The following DAAM1 variants were observed in gnomAD, a reference collection of about 807,000 sequenced individuals.
The protein encoded by DAAM1 is disheveled-associated activator of morphogenesis 1.
Under a neutral mutation model 130.0 loss-of-function variants are expected in DAAM1, and 52 were observed. The observed-to-expected ratio is 0.40, with a 90% confidence interval of 0.32 to 0.50. The LOEUF is 0.50. Ranked by LOEUF, DAAM1 falls within the 20% of genes least tolerant of loss-of-function variation. DAAM1 has a pLI of 0.61. For synonymous variants in DAAM1, 452 were observed against 444.5 expected, an observed-to-expected ratio of 1.02 and a Z score of -0.21; for missense variants, 1,134 against 1,303.8, an observed-to-expected ratio of 0.87 and a Z score of 2.01.
chr14:59,270,380 T>C (rs1185556164), intron 2 of DAAM1, among the ~76,000 whole-genome samples: 1 of 152,046 alleles, frequency 6.6e-6, no homozygotes, highest in Non-Finnish European at 1.5e-5. Context: ...GCAATGGTGG[T>C]GGGGTGGCAG....
chr14:59,271,368 A>G (rs1158611740), intron 2 of DAAM1, among the ~76,000 whole-genome samples: 1 of 152,220 alleles, frequency 6.6e-6, no homozygotes, highest in Non-Finnish European at 1.5e-5. Flanking sequence ...GATTTATACC[A>G]TCAAAATATA....
intron 21 of DAAM1, 95 bp downstream of exon 21, chr14:59,359,599 T>C (rs1886624975): frequency 1.2e-6 from 1 of 845,394 alleles, no homozygotes; most frequent in Non-Finnish European, 1.9e-6. Context: ...GTCCTTCTAT[T>C]TGTTTTCCCC....
At chr14:59,339,971 AGTGT>A in intron 15 of DAAM1, 99 bp from the exon 16 acceptor site, 2 of 921,588 alleles carry the variant, frequency 2.2e-6, no homozygotes, top group Non-Finnish European at 3.4e-6. Flanking sequence ...TGTGTATACG[AGTGT>A]GTGTATGTGT....
At position 59,263,465 on chromosome 14, in the gene DAAM1, ACAGAATTCAGC is replaced by A. The variant is rs748411829; in HGVS notation, c.-10_1del. On this transcript the variant is annotated 5_prime_UTR_variant, in exon 2 of 25. Transcript: ENST00000360909. ...GCGTTTAGTCACATCAAGAAATAGA[ACAGAATTCAGC>A]CATGGCCCCAAGAAAGAGAGGTGGA... 1.2e-6 allele frequency: 2 copies of A among 1,614,170 alleles called. No individual in the cohort carries two copies. Among genetic ancestry groups the A allele is most frequent in the Non-Finnish European group, 1.7e-6 (2 of 1,179,982 alleles).
intron 23 of DAAM1, among the ~76,000 whole-genome samples, chr14:59,364,129 C>T (rs924861315): frequency 6.6e-6 from 1 of 152,094 alleles, no homozygotes; most frequent in Non-Finnish European, 1.5e-5. Flanking sequence ...CTCTGGGAAC[C>T]AGAAAAGAGT....
intron 1 of DAAM1, among the ~76,000 whole-genome samples, chr14:59,205,257 G>T (rs1277378120): frequency 6.6e-6 from 1 of 152,192 alleles, no homozygotes; most frequent in Non-Finnish European, 1.5e-5. Context: ...GTGATAAACA[G>T]TGTGTATTGG....
chr14:59,256,925 A>G (rs903023061), intron 1 of DAAM1, among the ~76,000 whole-genome samples: 1 of 152,224 alleles, frequency 6.6e-6, no homozygotes, highest in African/African-American at 2.4e-5. Context: ...TGTTGACTGA[A>G]TATAAGATAT....
At chr14:59,209,101 T>G (rs1375190046) in intron 1 of DAAM1, among the ~76,000 whole-genome samples, 1 of 152,244 alleles carries the variant, frequency 6.6e-6, no homozygotes, top group Non-Finnish European at 1.5e-5. Flanking sequence ...TGAAGCTTAG[T>G]TGCGCATGTG....
chr14:59,246,791 G>A (rs1338322066), intron 1 of DAAM1, among the ~76,000 whole-genome samples: 2 of 152,046 alleles, frequency 1.3e-5, no homozygotes, highest in Non-Finnish European at 2.9e-5. Context: ...GACTTGCGTT[G>A]CTCTAATGAT....
At chr14:59,313,068 A>C (rs769812927) in intron 3 of DAAM1, among the ~76,000 whole-genome samples, 1 of 152,240 alleles carries the variant, frequency 6.6e-6, no homozygotes, top group Non-Finnish European at 1.5e-5. Flanking sequence ...ATTAATGTTC[A>C]GATCCCCTGT....
intron 19 of DAAM1, 120 bp downstream of exon 19, chr14:59,354,084 G>A (rs570883005): frequency 4.3e-5 from 40 of 940,304 alleles, no homozygotes; most frequent in South Asian, 1.5e-4. Flanking sequence ...TTTTTGAGAC[G>A]GAGTCTTGCA....
intron 1 of DAAM1, among the ~76,000 whole-genome samples, chr14:59,244,483 T>G (rs1594777025): frequency 6.6e-6 from 1 of 152,158 alleles, no homozygotes; most frequent in East Asian, 1.9e-4. Flanking sequence ...GTGAACTGAT[T>G]ATAAGCTCTG....
intron 2 of DAAM1, among the ~76,000 whole-genome samples, chr14:59,281,326 C>A (rs549166920): frequency 6.6e-6 from 1 of 152,152 alleles, no homozygotes; most frequent in Non-Finnish European, 1.5e-5. Context: ...CTCACTACCC[C>A]CTTACCTTAT....
chr14:59,343,951 A>G (rs1399552381), intron 16 of DAAM1, among the ~76,000 whole-genome samples: 2 of 152,236 alleles, frequency 1.3e-5, no homozygotes, highest in African/African-American at 2.4e-5. Flanking sequence ...TCCTCAGGGA[A>G]TAAGCAACTT....
intron 1 of DAAM1, among the ~76,000 whole-genome samples, chr14:59,218,208 A>C (rs903273836): frequency 6.6e-6 from 1 of 152,214 alleles, no homozygotes; most frequent in African/African-American, 2.4e-5. Flanking sequence ...AGCCACGTGC[A>C]GGCTAGTGGC....
At chr14:59,283,320 A>G (rs1325395944) in intron 2 of DAAM1, among the ~76,000 whole-genome samples, 1 of 152,204 alleles carries the variant, frequency 6.6e-6, no homozygotes, top group East Asian at 1.9e-4. Context: ...GCAGGTATGA[A>G]TAACAGGAAA....
At chr14:59,219,835 G>C (rs1888714396) in intron 1 of DAAM1, among the ~76,000 whole-genome samples, 1 of 152,062 alleles carries the variant, frequency 6.6e-6, no homozygotes, top group Non-Finnish European at 1.5e-5. Flanking sequence ...TCCCTTTGGT[G>C]TCTGCTCCTT....
intron 1 of DAAM1, among the ~76,000 whole-genome samples, chr14:59,195,300 C>T (rs1014991095): frequency 6.6e-6 from 1 of 151,964 alleles, no homozygotes; most frequent in African/African-American, 2.4e-5. Context: ...TCCACCACCA[C>T]GCCCAGCTAA....
rs1884964490 is a variant in DAAM1 at position 59,320,536 on chromosome 14, G to A, written c.392G>A (p.Ser131Asn). 1 of 1,605,930 alleles carries A rather than the reference G, an allele frequency of 6.2e-7. No homozygotes were observed. Among genetic ancestry groups the A allele is most frequent in the Admixed American group, 1.7e-5 (1 of 58,236 alleles). The change falls in exon 5 of 25, where the codon AGT becomes AAT. Residue 131 changes from serine (S) to asparagine (N), a missense_variant. Ser to Asn is a conservative substitution (Grantham distance 46). Transcript: ENST00000360909. Reference sequence around the variant, plus strand: ...GAGAAGGAAGAAGAAGAAGAAAGAAGTAAAACTATAGAGAGTTTAAAGACA... The same window carrying A: ...GAGAAGGAAGAAGAAGAAGAAAGAAATAAAACTATAGAGAGTTTAAAGACA... ...ALEKEEEEER[S>N]KTIESLKTAL...
Sources: allele counts gnomAD v4.1 joint callset (sites outside exome capture counted in the v4.1 genomes callset), GRCh38; gene constraint gnomAD v4.1.1; transcripts MANE v1.5; gene names NCBI Gene and HGNC (gene_info 2026-07-23, HGNC 2026-07-21).